Variants in LAMA2 observed in about 807,000 individuals in gnomAD.
LAMA2 encodes the protein laminin subunit alpha-2.
Under a neutral mutation model 364.8 loss-of-function variants are expected in LAMA2, and 269 were observed. That is an observed-to-expected ratio of 0.74 (90% CI 0.67 to 0.82). The LOEUF is 0.82. Among genes scored for constraint, LAMA2 ranks in the 40% least tolerant of loss-of-function variants. The pLI is 0.00. For missense variants in LAMA2, 3,807 were observed against 3,873.2 expected, an observed-to-expected ratio of 0.98 and a Z score of 0.45; for synonymous variants, 1,379 against 1,370.6, an observed-to-expected ratio of 1.01 and a Z score of -0.14.
At chr6:129,161,258 A>T (rs1409840475) in intron 8 of LAMA2, among the ~76,000 whole-genome samples, 1 of 152,052 alleles carries the variant, frequency 6.6e-6, no homozygotes, top group Non-Finnish European at 1.5e-5. Context: ...GATTTTGTTT[A>T]ACTTTCAACC....
rs184082656 is a variant in LAMA2, at chr6:129,304,374, C to T, written c.3174+3502C>T. ...CGCCTCCCGGGTTCACGCCATTCTC[C>T]TGCCTCAGCCTCCTGAGTAGCTGGG... On this transcript the variant is annotated intron_variant, in intron 22 of 64. Coordinates refer to ENST00000421865, the MANE Select transcript of LAMA2 (RefSeq NM_000426.4). Among the ~76,000 whole-genome samples the T allele has an allele frequency of 3.8e-3, 576 of 152,256 alleles. 1 individual carries two copies. The highest frequency in any genetic ancestry group is 0.031 in the Middle Eastern group (9 of 294).
chr6:129,144,174 A>C, intron 5 of LAMA2, 94 bp downstream of exon 5: 3 of 915,630 alleles, frequency 3.3e-6, no homozygotes, highest in Middle Eastern at 2.2e-4. Flanking sequence ...AGTGATTTGT[A>C]GGAGTGGTTA....
Position 129,231,016 on chromosome 6 carries a change from G to A in LAMA2, c.1783-19096G>A, listed in dbSNP as rs146911230. 6.4e-3 allele frequency among the ~76,000 whole-genome samples: 972 copies of A among 152,174 alleles called. 10 individuals carry two copies. The highest frequency in any genetic ancestry group is 0.024 in the South Asian group (114 of 4,820). ...TAAAGTGGTACAGTACACATTTAGT[G>A]TGCTGTACACTAAATATCAGTAGCA... On this transcript the variant is annotated intron_variant, in intron 12 of 64. Coordinates refer to ENST00000421865, the MANE Select transcript of LAMA2 (RefSeq NM_000426.4).
chr6:129,512,858 G>C (rs1412749608), intron 63 of LAMA2, among the ~76,000 whole-genome samples: 1 of 152,166 alleles, frequency 6.6e-6, no homozygotes, highest in African/African-American at 2.4e-5. Flanking sequence ...AGGCAGAGAG[G>C]TGGATCATCT....
chr6:128,947,755 G>A (rs1309657665), intron 1 of LAMA2, among the ~76,000 whole-genome samples: 2 of 152,162 alleles, frequency 1.3e-5, no homozygotes, highest in African/African-American at 2.4e-5. Flanking sequence ...AGAAGGCAAA[G>A]AGGGATAGAG....
intron 51 of LAMA2, among the ~76,000 whole-genome samples, chr6:129,467,605 G>T (rs1338863754): frequency 3.3e-5 from 5 of 151,890 alleles, no homozygotes; most frequent in African/African-American, 1.2e-4. Context: ...CTTGGTAGAT[G>T]TACGGTATAA....
intron 45 of LAMA2, among the ~76,000 whole-genome samples, chr6:129,451,786 C>A (rs1188001240): frequency 6.6e-6 from 1 of 152,134 alleles, no homozygotes; most frequent in Non-Finnish European, 1.5e-5. Flanking sequence ...GGAGAAGGGC[C>A]ACAGTTCTGC....
At chr6:129,035,528 A>AT (rs143564398) in intron 1 of LAMA2, among the ~76,000 whole-genome samples, 55,430 of 133,332 alleles carry the variant, frequency 0.42, 12,417 homozygotes, top group African/African-American at 0.57. Context: ...CCATTTGTTC[A>AT]TTTTTTTTTT....
intron 11 of LAMA2, among the ~76,000 whole-genome samples, chr6:129,192,121 C>A (rs1424453657): frequency 6.6e-6 from 1 of 152,200 alleles, no homozygotes; most frequent in African/African-American, 2.4e-5. Context: ...GTTCAAATAT[C>A]CTTAAGCCTC....
chr6:128,994,612 A>T (rs1380509680), intron 1 of LAMA2, among the ~76,000 whole-genome samples: 2 of 152,182 alleles, frequency 1.3e-5, no homozygotes, highest in Admixed American at 6.5e-5. Flanking sequence ...AATAGCTTGT[A>T]TCACAGGAAT....
chr6:129,103,008 A>G (rs1234093625), intron 4 of LAMA2, among the ~76,000 whole-genome samples: 36 of 152,186 alleles, frequency 2.4e-4, no homozygotes, highest in Admixed American at 2.4e-3. Flanking sequence ...TTGTCCTCCT[A>G]ATACAGCAGG....
chr6:129,233,742 CT>C (rs1199077953), intron 12 of LAMA2, among the ~76,000 whole-genome samples: 3 of 152,198 alleles, frequency 2.0e-5, no homozygotes, highest in East Asian at 1.9e-4. Flanking sequence ...TATATGAAGG[CT>C]TTCTTCTTTA....
chr6:129,456,556 T>G, intron 48 of LAMA2, 62 bp downstream of exon 48: 3 of 1,401,854 alleles, frequency 2.1e-6, no homozygotes, highest in Non-Finnish European at 3.0e-6. Context: ...ACATAATTAC[T>G]TCAGGAGAAG....
At chr6:129,159,689 A>G (rs1301951093) in intron 8 of LAMA2, among the ~76,000 whole-genome samples, 1 of 152,242 alleles carries the variant, frequency 6.6e-6, no homozygotes. Context: ...TCTGAATTTT[A>G]AAGGGAAACC....
intron 3 of LAMA2, among the ~76,000 whole-genome samples, chr6:129,079,423 T>C (rs1773890060): frequency 6.6e-6 from 1 of 152,112 alleles, no homozygotes; most frequent in South Asian, 2.1e-4. Context: ...GAGGGACTAC[T>C]ATAATTCTAC....
chr6:129,007,390 A>G (rs144402379), intron 1 of LAMA2, among the ~76,000 whole-genome samples: 1 of 152,126 alleles, frequency 6.6e-6, no homozygotes, highest in Non-Finnish European at 1.5e-5. Context: ...TGCCAGATAG[A>G]TTGTATGCCT....
Position 129,481,431 on chromosome 6 carries a change from A to T in LAMA2, c.7741A>T (p.Thr2581Ser), listed in dbSNP as rs1554305958. The change falls in exon 55 of 65, where the codon ACT (threonine) becomes TCT (serine). Residue 2581 changes from threonine (T) to serine (S), a missense_variant. By Grantham distance (58) the Thr-to-Ser change is moderately conservative. Coordinates refer to ENST00000421865, the MANE Select transcript of LAMA2 (RefSeq NM_000426.4). The part of the protein sequence containing the change: ...PAPPRRKRRQ[T>S]GQAYYAILLN... The stretch of plus-strand genomic sequence containing the variant: ...ACCACCTAGGAGAAAACGAAGGCAG[A>T]CTGGACAGGTACCCTCACACCTAGC... 1.2e-6 allele frequency: 2 copies of T among 1,613,280 alleles called. No individual in the cohort carries two copies. Among genetic ancestry groups the T allele is most frequent in the Admixed American group, 1.7e-5 (1 of 59,994 alleles).
rs149176926 is a variant in LAMA2, at chr6:129,479,851, C to G, written c.7572+1038C>G. The G allele has an allele frequency of 5.9e-5, 9 of 152,210 alleles. No homozygotes were observed. The East Asian group carries it at 1.7e-3, about 29-fold the overall frequency. 9.4% of individuals were successfully genotyped at this position (152,210 alleles called of 1,614,324 possible). A position where few individuals can be genotyped will look rare whatever the true frequency, so the allele number is the denominator to read the frequency against. On this transcript the variant is annotated intron_variant, in intron 54 of 64. Coordinates refer to ENST00000421865, the MANE Select transcript of LAMA2 (RefSeq NM_000426.4). ...CCAATTTGGAATTGGCCATAGACAC[C>G]CACTCTGAGAAGTTTGGGAATAAGA...
chr6:128,917,726 CTTTCTTTCTT>C (rs1778425505), intron 1 of LAMA2, among the ~76,000 whole-genome samples: 57 of 112,490 alleles, frequency 5.1e-4, no homozygotes, highest in Admixed American at 4.0e-3. Flanking sequence ...TTCTTTCTTT[CTTTCTTTCTT>C]TTTTTTTTTT....
Sources: gnomAD v4.1 joint callset for allele counts (sites outside exome capture counted in the v4.1 genomes callset) on GRCh38, gnomAD v4.1.1 for gene constraint, MANE v1.5 for transcripts, NCBI Gene and HGNC (gene_info 2026-07-23, HGNC 2026-07-21) for gene names.